Variants in ARHGEF9 observed in about 807,000 individuals in gnomAD.
The protein encoded by ARHGEF9 is Cdc42 guanine nucleotide exchange factor 9, also known as rho guanine nucleotide exchange factor 9.
Under a neutral mutation model 41.3 loss-of-function variants are expected in ARHGEF9, and 2 were observed. The ratio of observed to expected loss-of-function variants is 0.05; its 90% CI spans 0.02 to 0.15. ARHGEF9 has a LOEUF of 0.15. Among genes scored for constraint, ARHGEF9 ranks in the 10% least tolerant of loss-of-function variants. The probability of loss-of-function intolerance (pLI) is 1.00; values close to 1 mark genes in which losing one functional copy is unlikely to be tolerated. For synonymous variants in ARHGEF9, 160 were observed against 154.4 expected, an observed-to-expected ratio of 1.04 and a Z score of -0.27; for missense variants, 225 against 424.7, an observed-to-expected ratio of 0.53 and a Z score of 4.13.
chrX:63,739,201 G>T (rs1322697859), intron 1 of ARHGEF9, among the ~76,000 whole-genome samples: 1 of 111,659 alleles, frequency 9.0e-6, no homozygotes, highest in African/African-American at 3.3e-5. Flanking sequence ...GAGGAGGTGC[G>T]GGTGACCAAG....
At chrX:63,659,688 GCTCA>G (rs2049090506) in intron 7 of ARHGEF9, among the ~76,000 whole-genome samples, 1 of 111,275 alleles carries the variant, frequency 9.0e-6, no homozygotes, top group Admixed American at 9.5e-5. Flanking sequence ...GATTTATTTC[GCTCA>G]CTACTATATT....
chrX:63,679,890 A>AATTAAAC lies in ARHGEF9; in HGVS notation c.583-1325_583-1319dup, dbSNP rs1327608737. On this transcript the variant is annotated intron_variant, in intron 4 of 9. Transcript: ENST00000671741. Reference sequence around the variant, plus strand: ...CAGAATATAGACTGAAAAAAGAAGAAATTAAACTCTTTTTTTCAGAGATGA... The same window carrying AATTAAAC: ...CAGAATATAGACTGAAAAAAGAAGAAATTAAACATTAAACTCTTTTTTTCAGAGATGA... Among the ~76,000 whole-genome samples, 3 of 112,069 alleles carry AATTAAAC rather than the reference A, an allele frequency of 2.7e-5. No individual in the cohort carries two copies. In the Admixed American group the frequency reaches 2.8e-4, roughly 11 times the overall value.
intron 7 of ARHGEF9, among the ~76,000 whole-genome samples, chrX:63,661,739 G>A (rs1387278109): frequency 9.1e-6 from 1 of 110,122 alleles, no homozygotes; most frequent in African/African-American, 3.3e-5. Context: ...ACATGCCCAC[G>A]TACTCTCTTG....
chrX:63,668,445 T>C (rs1602313761), intron 6 of ARHGEF9, among the ~76,000 whole-genome samples: 1 of 111,729 alleles, frequency 9.0e-6, no homozygotes, highest in Admixed American at 9.5e-5. Context: ...GCATCAATTA[T>C]ATTTTAATTA....
chrX:63,741,640 A>G (rs1160655347), intron 1 of ARHGEF9, among the ~76,000 whole-genome samples: 40 of 112,639 alleles, frequency 3.6e-4, no homozygotes, highest in African/African-American at 1.2e-3. Context: ...CCTGGGTAAC[A>G]GTATATCTGA....
intron 8 of ARHGEF9, among the ~76,000 whole-genome samples, chrX:63,645,799 A>G (rs868968801): frequency 6.3e-5 from 7 of 111,837 alleles, no homozygotes; most frequent in East Asian, 5.6e-4. Flanking sequence ...CTGAGGAATC[A>G]CCACACTGAC....
intron 4 of ARHGEF9, among the ~76,000 whole-genome samples, chrX:63,695,556 T>G (rs2051682897): frequency 8.9e-6 from 1 of 112,015 alleles, no homozygotes; most frequent in South Asian, 3.7e-4. Context: ...TTATAAATAC[T>G]ACCCAGGTGC....
In ARHGEF9 at chrX:63,757,407, G is replaced by A. The variant is rs532547037; in HGVS notation, c.30+27709C>T. 3.8e-4 allele frequency among the ~76,000 whole-genome samples: 42 copies of A among 111,338 alleles called. No homozygotes were observed. The South Asian group carries it at 0.016, about 43-fold the overall frequency. ...ATATCTCCTCCTTAGTATCTCACAAGCATATCAAACTTAAAAAGTCCCAAA... is the reference window on the plus strand; with the variant it reads ...ATATCTCCTCCTTAGTATCTCACAAACATATCAAACTTAAAAAGTCCCAAA... On this transcript the variant is annotated intron_variant, in intron 1 of 9. Coordinates refer to ENST00000671741, the MANE Select transcript of ARHGEF9 (RefSeq NM_001353921.2).
chrX:63,675,999 A>G (rs2050240478), intron 5 of ARHGEF9, among the ~76,000 whole-genome samples: 1 of 112,349 alleles, frequency 8.9e-6, no homozygotes, highest in Non-Finnish European at 1.9e-5. Flanking sequence ...GGAGAAAAAA[A>G]TAGATGTGCA....
chrX:63,714,124 G>A (rs192707621), intron 2 of ARHGEF9, among the ~76,000 whole-genome samples: 33 of 111,601 alleles, frequency 3.0e-4, no homozygotes, highest in Non-Finnish European at 5.1e-4. Context: ...CCGACCCACC[G>A]AGTTTCACTG....
intron 1 of ARHGEF9, among the ~76,000 whole-genome samples, chrX:63,738,394 C>T (rs782718041): frequency 3.6e-5 from 4 of 111,729 alleles, no homozygotes; most frequent in African/African-American, 6.5e-5. Context: ...AATATATTTC[C>T]TATCCAAAAA....
chrX:63,680,128 G>A (rs1290042695), intron 4 of ARHGEF9, among the ~76,000 whole-genome samples: 1 of 111,961 alleles, frequency 8.9e-6, no homozygotes, highest in Non-Finnish European at 1.9e-5. Context: ...CAACTTTTAG[G>A]AGAGGATGTC....
At chrX:63,646,489 T>C (rs1246190937) in intron 8 of ARHGEF9, among the ~76,000 whole-genome samples, 2 of 111,807 alleles carry the variant, frequency 1.8e-5, no homozygotes, top group South Asian at 3.7e-4. Flanking sequence ...AATAGGGAAT[T>C]GTTTCCCCAT....
At chrX:63,773,157 TACACACAA>T (rs1556455928) in intron 1 of ARHGEF9, among the ~76,000 whole-genome samples, 1 of 111,971 alleles carries the variant, frequency 8.9e-6, no homozygotes, top group Non-Finnish European at 1.9e-5. Flanking sequence ...CTAACACACA[TACACACAA>T]ACACAAAAAA....
At chrX:63,746,104 G>C (rs1252735927) in intron 1 of ARHGEF9, among the ~76,000 whole-genome samples, 6 of 111,947 alleles carry the variant, frequency 5.4e-5, no homozygotes, top group Non-Finnish European at 1.1e-4. Flanking sequence ...CAGAGCCAGG[G>C]CTTAATCCTA....
At chrX:63,646,399 T>C (rs1236705746) in intron 8 of ARHGEF9, among the ~76,000 whole-genome samples, 1 of 112,188 alleles carries the variant, frequency 8.9e-6, no homozygotes, top group Non-Finnish European at 1.9e-5. Flanking sequence ...CTTGAATTAA[T>C]TTTTGTATAA....
At chrX:63,770,762 T>A (rs2056191443) in intron 1 of ARHGEF9, among the ~76,000 whole-genome samples, 1 of 111,942 alleles carries the variant, frequency 8.9e-6, no homozygotes, top group Admixed American at 9.4e-5. Context: ...TCACAAGATC[T>A]GATGGTTTTA....
intron 1 of ARHGEF9, among the ~76,000 whole-genome samples, chrX:63,765,429 C>T (rs781874712): frequency 4.6e-4 from 51 of 110,776 alleles, no homozygotes; most frequent in Non-Finnish European, 8.3e-4. Context: ...AGCAGGAGCA[C>T]CAACTCTCTA....
chrX:63,729,332 G>A (rs1556418958), intron 1 of ARHGEF9, among the ~76,000 whole-genome samples: 1 of 111,287 alleles, frequency 9.0e-6, no homozygotes, highest in Admixed American at 9.5e-5. Context: ...CAAGATTTAT[G>A]CTTAAAGATG....
Sources: allele counts gnomAD v4.1 joint callset (sites outside exome capture counted in the v4.1 genomes callset), GRCh38; gene constraint gnomAD v4.1.1; transcripts MANE v1.5; gene names NCBI Gene and HGNC (gene_info 2026-07-23, HGNC 2026-07-21).